RAP1A: variants seen among roughly 807,000 people sequenced by gnomAD.
RAP1A encodes the protein RAP1A, member of RAS oncogene family, also known as ras-related protein Rap-1A.
A neutral mutation model predicts 26.4 loss-of-function variants in RAP1A; 6 were observed. The ratio of observed to expected loss-of-function variants is 0.23; its 90% CI spans 0.12 to 0.45. The LOEUF is 0.45. Ranked by LOEUF, RAP1A falls within the 20% of genes least tolerant of loss-of-function variation. The pLI is 0.99. For missense variants in RAP1A, 121 were observed against 217.2 expected (o/e 0.56, Z 2.78); for synonymous variants, 73 against 79.4 (o/e 0.92, Z 0.43).
At chr1:111,683,504 T>C (rs1014380791) in intron 1 of RAP1A, among the ~76,000 whole-genome samples, 2 of 152,130 alleles carry the variant, frequency 1.3e-5, no homozygotes, top group Non-Finnish European at 2.9e-5. Context: ...CCCACAGTAA[T>C]ACAAACTACC....
At chr1:111,648,439 G>A (rs774970150) in intron 1 of RAP1A, 36 of 568,498 alleles carry the variant, frequency 6.3e-5, no homozygotes, top group Non-Finnish European at 1.1e-4. Flanking sequence ...GCAGGTGGTG[G>A]TAGGTGGCGA....
chr1:111,608,736 C>CA (rs1423161374), intron 1 of RAP1A: 2 of 158,318 alleles, frequency 1.3e-5, no homozygotes, highest in South Asian at 1.7e-4. Context: ...CCGTCTCCAC[C>CA]AAAAAAATAC....
At chr1:111,662,211 T>C (rs1013627100) in intron 1 of RAP1A, among the ~76,000 whole-genome samples, 8 of 151,872 alleles carry the variant, frequency 5.3e-5, no homozygotes, top group African/African-American at 1.9e-4. Context: ...CTGGCTAACA[T>C]GGTGAAACCC....
At chr1:111,603,205 G>A (rs749748067) in intron 1 of RAP1A, among the ~76,000 whole-genome samples, 4 of 152,200 alleles carry the variant, frequency 2.6e-5, no homozygotes, top group Non-Finnish European at 5.9e-5. Context: ...TACCAGTGCT[G>A]AATCAAAAAG....
At chr1:111,709,096 A>G in intron 6 of RAP1A, 53 bp from the exon 7 acceptor site, 1 of 1,565,914 alleles carries the variant, frequency 6.4e-7, no homozygotes, top group Non-Finnish European at 8.6e-7. Flanking sequence ...GTTTTGTGGA[A>G]CAAAGTCTCA....
intron 1 of RAP1A, among the ~76,000 whole-genome samples, chr1:111,563,410 T>C (rs1284725920): frequency 6.6e-6 from 1 of 152,240 alleles, no homozygotes; most frequent in Non-Finnish European, 1.5e-5. Context: ...CCTTGAAATG[T>C]CAGGATGTGG....
At chr1:111,643,477 C>CA (rs1659957100) in intron 1 of RAP1A, among the ~76,000 whole-genome samples, 1 of 152,228 alleles carries the variant, frequency 6.6e-6, no homozygotes, top group Admixed American at 6.5e-5. Context: ...ATTCTACTCA[C>CA]AGCTTTGAGC....
rs541054358 is a variant in RAP1A at position 111,566,436 on chromosome 1, G to A, written c.-28+23927G>A. On this transcript the variant is annotated intron_variant, in intron 1 of 7. Transcript: ENST00000356415. ...ACACTGTAGGCTCTGAGGAGCAAAT[G>A]ACTACTGCCCTCCAAAGCTGGGTGT... 3.3e-5 allele frequency among the ~76,000 whole-genome samples: 5 copies of A among 152,266 alleles called. No homozygotes were observed. In the East Asian group the frequency reaches 9.7e-4, roughly 29 times the overall value.
At chr1:111,697,524 A>G in intron 4 of RAP1A, 27 bp downstream of exon 4, 1 of 1,609,392 alleles carries the variant, frequency 6.2e-7, no homozygotes, top group African/African-American at 1.3e-5. Context: ...TTTTTTTGAT[A>G]GATTTTAATT....
chr1:111,673,252 T>C lies in RAP1A; in HGVS notation c.-27-18082T>C, dbSNP rs185399880. Among the ~76,000 whole-genome samples the C allele has an allele frequency of 1.2e-3, 181 of 152,362 alleles. 1 individual carries two copies. The highest frequency in any genetic ancestry group is 3.4e-3 in the Middle Eastern group (1 of 294). ...GTGAGTTGCCAGTTTTAAATATTTA[T>C]GATCCCTGTAAATATTTAAAGATAA... On this transcript the variant is annotated intron_variant, in intron 1 of 7. Coordinates refer to ENST00000369709, the MANE Select transcript of RAP1A (RefSeq NM_002884.4).
chr1:111,570,845 A>C (rs1329075523), intron 1 of RAP1A, among the ~76,000 whole-genome samples: 2 of 152,244 alleles, frequency 1.3e-5, no homozygotes, highest in Non-Finnish European at 2.9e-5. Context: ...GCCATTCATG[A>C]GGGAGCCACC....
Position 111,714,606 on chromosome 1 carries a change from A to C in RAP1A, c.*2205A>C, listed in dbSNP as rs1040610985. 2 of 152,334 alleles carry C rather than the reference A, an allele frequency of 1.3e-5. No homozygotes were observed. Among genetic ancestry groups the C allele is most frequent in the South Asian group, 2.1e-4 (1 of 4,826 alleles). The allele number at this position is 152,334 out of a possible 1,614,324, so 9.4% of individuals were successfully genotyped here. A position where few individuals can be genotyped will look rare whatever the true frequency, so the allele number is the denominator to read the frequency against. On this transcript the variant is annotated 3_prime_UTR_variant, in exon 8 of 8. Transcript: ENST00000369709. ...TTGGGTTAAAGGTGGAACTGTCAAG[A>C]AAAACGCCTTTCTGGCACACAGTGA...
At chr1:111,684,309 A>G (rs1461595040) in intron 1 of RAP1A, among the ~76,000 whole-genome samples, 2 of 152,214 alleles carry the variant, frequency 1.3e-5, no homozygotes, top group Non-Finnish European at 2.9e-5. Flanking sequence ...GCAGTCAGGC[A>G]AGAAAAAGAA....
intron 1 of RAP1A, among the ~76,000 whole-genome samples, chr1:111,682,137 C>G (rs183047484): frequency 2.4e-4 from 36 of 152,170 alleles, no homozygotes; most frequent in Middle Eastern, 3.4e-3. Context: ...TACAGACAAG[C>G]AAATGCTGAG....
chr1:111,611,532 T>C (rs1658926588), intron 1 of RAP1A, among the ~76,000 whole-genome samples: 1 of 152,232 alleles, frequency 6.6e-6, no homozygotes, highest in Non-Finnish European at 1.5e-5. Flanking sequence ...ATCTTTCCTA[T>C]AAAAATAGCT....
chr1:111,648,578 C>A (rs1660154887), intron 1 of RAP1A: 3 of 541,178 alleles, frequency 5.5e-6, no homozygotes, highest in African/African-American at 3.8e-5. Flanking sequence ...TTAGCTGCTC[C>A]ATCTGCAGGA....
At chr1:111,665,245 T>C (rs1004695176) in intron 1 of RAP1A, among the ~76,000 whole-genome samples, 1 of 152,232 alleles carries the variant, frequency 6.6e-6, no homozygotes, top group Non-Finnish European at 1.5e-5. Flanking sequence ...GTTATAATTA[T>C]GCATTTTTAC....
chr1:111,649,456 A>T (rs1660189692), intron 1 of RAP1A: 1 of 344,866 alleles, frequency 2.9e-6, no homozygotes, highest in Non-Finnish European at 5.7e-6. Flanking sequence ...CAGCACCTGG[A>T]TAGACGCTGG....
Position 111,589,072 on chromosome 1 carries a change from C to T in RAP1A, c.-28+46563C>T, listed in dbSNP as rs563672252. Among the ~76,000 whole-genome samples the T allele has an allele frequency of 3.3e-3, 497 of 152,232 alleles. 2 individuals carry two copies. The highest frequency in any genetic ancestry group is 7.9e-3 in the African/African-American group (329 of 41,528). ...TATATATTTCTCTAAATTGTATCAT[C>T]CCCTTAAATGTGTTAACACAGCTAT... On this transcript the variant is annotated intron_variant, in intron 1 of 7. Transcript: ENST00000356415.
Sources: allele counts gnomAD v4.1 joint callset (sites outside exome capture counted in the v4.1 genomes callset), GRCh38; gene constraint gnomAD v4.1.1; transcripts MANE v1.5; gene names NCBI Gene and HGNC (gene_info 2026-07-23, HGNC 2026-07-21).